C4orf50: variants seen among roughly 807,000 people sequenced by gnomAD.
C4orf50 encodes uncharacterized protein C4orf50.
A neutral mutation model predicts 77.2 loss-of-function variants in C4orf50; 80 were observed. The observed-to-expected ratio is 1.04, with a 90% CI of 0.87 to 1.25. The LOEUF (loss-of-function observed/expected upper bound fraction) is 1.25. Among genes scored for constraint, C4orf50 ranks in the 50% most tolerant of loss-of-function variants. The probability of loss-of-function intolerance (pLI) is 0.00; values close to 1 mark genes in which losing one functional copy is unlikely to be tolerated. For missense variants in C4orf50, 1,257 were observed against 1,152.9 expected (o/e 1.09, Z -1.31); for synonymous variants, 532 against 465.3 (o/e 1.14, Z -1.84).
At chr4:5,997,691 C>A (rs898296433) in intron 25 of C4orf50, among the ~76,000 whole-genome samples, 1 of 152,216 alleles carries the variant, frequency 6.6e-6, no homozygotes, top group Non-Finnish European at 1.5e-5. Flanking sequence ...GATATCCGGG[C>A]ATAAACATGA....
chr4:5,944,598 G>A (rs1718403522), intron 7 of C4orf50, among the ~76,000 whole-genome samples: 1 of 152,192 alleles, frequency 6.6e-6, no homozygotes, highest in South Asian at 2.1e-4. Flanking sequence ...CCTTCTGGAA[G>A]CTCCAGTGGA....
At position 6,017,744 on chromosome 4, in the gene C4orf50, C is replaced by T. The variant is rs1376555349; in HGVS notation, c.287+401G>A. Among the ~76,000 whole-genome samples, 6 of 152,160 alleles carry T rather than the reference C, an allele frequency of 3.9e-5. No homozygotes were observed. The highest frequency in any genetic ancestry group is 1.9e-4 in the East Asian group (1 of 5,182). ...TTCCCCTAAAAAAATCACCCCAAAC[C>T]GACCAACTGGATTTGTCTGCCTCTG... On this transcript the variant is annotated intron_variant, in intron 23 of 33. Transcript: ENST00000531445. This position sits in a 1 kb window ranked among gnomAD's most constrained non-coding sequence, Gnocchi z 4.7.
chr4:6,018,153 C>T lies in C4orf50; in HGVS notation c.279G>A (p.Leu93=), dbSNP rs1280681708. ...CAAAATGGCATCGCTACCTGCTTCT[C>T]AGCCCGGACTCCGATGTCACGTACT... The change falls in exon 23 of 34, where the codon CTG becomes CTA. Residue 93 remains leucine (L), a synonymous_variant. Transcript: ENST00000531445. This position sits in a 1 kb window ranked among gnomAD's most constrained non-coding sequence, Gnocchi z 5.1. 7.5e-6 allele frequency: 3 copies of T among 398,738 alleles called. No individual in the cohort carries two copies. The highest frequency in any genetic ancestry group is 1.3e-5 in the Non-Finnish European group (3 of 226,094). The allele number at this position is 398,738 out of a possible 1,614,324, so 24.7% of individuals were successfully genotyped here.
chr4:5,987,015 C>A (rs1180780425), intron 28 of C4orf50, among the ~76,000 whole-genome samples: 1 of 152,064 alleles, frequency 6.6e-6, no homozygotes, highest in Non-Finnish European at 1.5e-5. Flanking sequence ...GCTTTAATTG[C>A]ATAGATTGCA....
In C4orf50 at chr4:5,949,789, C is replaced by T. The variant is rs571358954; in HGVS notation, c.*2474+7112G>A. ...ATCATCTGAGGTCAGGAGTTTGAGA[C>T]TAGCCTGGTCAACATGGTGAAACCC... On this transcript the variant is annotated intron_variant, in intron 7 of 7. Transcript: ENST00000324058. Among the ~76,000 whole-genome samples the T allele has an allele frequency of 8.5e-5, 13 of 152,234 alleles. No individual in the cohort carries two copies. The South Asian group carries it at 2.7e-3, about 32-fold the overall frequency.
chr4:6,013,817 A>G (rs1259802505), intron 23 of C4orf50, among the ~76,000 whole-genome samples: 1 of 152,182 alleles, frequency 6.6e-6, no homozygotes, highest in Non-Finnish European at 1.5e-5. Flanking sequence ...GCTTGGCTCC[A>G]CCGACAGCTC....
intron 7 of C4orf50, chr4:5,902,429 G>A (rs1262103869): frequency 6.6e-6 from 1 of 152,194 alleles, no homozygotes; most frequent in African/African-American, 2.4e-5. Context: ...CAGGCCAATA[G>A]ACTCTGAAGC....
chr4:5,986,955 T>C (rs1181722593), intron 28 of C4orf50, among the ~76,000 whole-genome samples: 2 of 152,192 alleles, frequency 1.3e-5, no homozygotes, highest in Non-Finnish European at 2.9e-5. Flanking sequence ...TATTTTGAAC[T>C]GAACAGACTT....
At chr4:5,915,664 G>C (rs181338297) in intron 7 of C4orf50, among the ~76,000 whole-genome samples, 2 of 152,268 alleles carry the variant, frequency 1.3e-5, no homozygotes, top group Admixed American at 1.3e-4. Context: ...CTGAGTGGTC[G>C]GTAGCATCAC....
At chr4:5,915,674 C>T (rs1359970464) in intron 7 of C4orf50, among the ~76,000 whole-genome samples, 1 of 152,182 alleles carries the variant, frequency 6.6e-6, no homozygotes, top group African/African-American at 2.4e-5. Flanking sequence ...GGTAGCATCA[C>T]CAAGGTACCA....
exon 31 of C4orf50, chr4:5,973,672 G>T (rs376477354): frequency 3.1e-6 from 5 of 1,612,630 alleles, no homozygotes; most frequent in Non-Finnish European, 4.2e-6. Context: ...TGGGACTCCC[G>T]GAGCCAGGAA....
chr4:5,989,574 G>C, exon 28 of C4orf50: 3 of 1,536,146 alleles, frequency 2.0e-6, no homozygotes, highest in Non-Finnish European at 2.6e-6. Flanking sequence ...GCCAGCCCCT[G>C]CTGCCCGGCT....
chr4:5,898,880 A>T (rs1019584905), intron 7 of C4orf50: 3 of 152,238 alleles, frequency 2.0e-5, no homozygotes, highest in Non-Finnish European at 2.9e-5. Context: ...TGAGCTATCA[A>T]TTCTTCCATT....
At chr4:5,964,919 G>T in intron 33 of C4orf50, 105 bp downstream of exon 11, 2 of 1,041,380 alleles carry the variant, frequency 1.9e-6, no homozygotes, top group Non-Finnish European at 2.8e-6. Flanking sequence ...ACCTGGTGGT[G>T]GCTTTCTGGG....
Position 5,992,772 on chromosome 4 carries a change from G to A in C4orf50, c.1221+31C>T. On this transcript the variant is annotated intron_variant, in intron 27 of 33. Coordinates refer to ENST00000531445, the Ensembl canonical transcript of C4orf50. The surrounding 1 kb of genome is among the most constrained non-coding windows in gnomAD (Gnocchi z 5.0). Reference sequence around the variant, plus strand: ...AGGGCTGAGGGGAACCAGTGGCACTGCACACACACGCAGAAAGCCTCTGGC... The same window carrying A: ...AGGGCTGAGGGGAACCAGTGGCACTACACACACACGCAGAAAGCCTCTGGC... 1 of 399,130 alleles carries A rather than the reference G, an allele frequency of 2.5e-6. No individual in the cohort carries two copies. Among genetic ancestry groups the A allele is most frequent in the Non-Finnish European group, 4.4e-6 (1 of 226,120 alleles). The allele number at this position is 399,130 out of a possible 1,614,324, so 24.7% of individuals were successfully genotyped here.
At chr4:5,964,808 C>CACATGATT (rs1438843939) in intron 33 of C4orf50, among the ~76,000 whole-genome samples, 14 of 146,252 alleles carry the variant, frequency 9.6e-5, no homozygotes, top group Admixed American at 6.8e-4. Context: ...AGACCTAGGA[C>CACATGATT]ACATGATTTG....
At position 6,008,022 on chromosome 4, in the gene C4orf50, G is replaced by C. The variant is rs2108809245; in HGVS notation, c.937C>G (p.Gln313Glu). 1 of 399,306 alleles carries C rather than the reference G, an allele frequency of 2.5e-6. No individual in the cohort carries two copies. The highest frequency in any genetic ancestry group is 1.3e-4 in the South Asian group (1 of 7,864). The allele number at this position is 399,306 out of a possible 1,614,324, so 24.7% of individuals were successfully genotyped here. ...AGGCTGCAGTGACCAATAGGGGCCT[G>C]GGCTCCCAGCTCCTCTCGCAGGCAC... The change falls in exon 25 of 34, where the codon CAG becomes GAG. Residue 313 changes from glutamine (Q) to glutamate (E), a missense_variant. By Grantham distance (29) the Gln-to-Glu change is conservative. Transcript: ENST00000531445. This position sits in a 1 kb window ranked among gnomAD's most constrained non-coding sequence, Gnocchi z 6.0.
chr4:6,001,441 C>T (rs16838057), intron 25 of C4orf50, among the ~76,000 whole-genome samples: 31,078 of 152,216 alleles, frequency 0.2, 3,342 homozygotes, highest in Non-Finnish European at 0.22. Context: ...CAGCGGGTTC[C>T]TGCAATCACG....
chr4:5,992,500 C>T lies in C4orf50; in HGVS notation c.1221+303G>A, dbSNP rs1721344735. 6.6e-6 allele frequency among the ~76,000 whole-genome samples: 1 copy of T among 152,036 alleles called. No individual in the cohort carries two copies. The highest frequency in any genetic ancestry group is 2.4e-5 in the African/African-American group (1 of 41,388). On this transcript the variant is annotated intron_variant, in intron 27 of 33. Coordinates refer to ENST00000531445, the Ensembl canonical transcript of C4orf50. This position sits in a 1 kb window ranked among gnomAD's most constrained non-coding sequence, Gnocchi z 5.0. ...CAGCCCTTGGAGTCTCATCTCCTCT[C>T]CAGAGCAGAGGTGGCAGCAACACCT...
Sources: gnomAD v4.1 joint callset for allele counts (sites outside exome capture counted in the v4.1 genomes callset) on GRCh38, gnomAD v4.1.1 for gene constraint, Gnocchi (gnomAD v3.1) non-coding constraint, MANE v1.5 for transcripts, NCBI Gene and HGNC (gene_info 2026-07-23, HGNC 2026-07-21) for gene names.